The following NCAPG2 variants were observed in gnomAD, a reference collection of about 807,000 sequenced individuals.
NCAPG2 encodes condensin-2 complex subunit G2.
Under a neutral mutation model 141.1 loss-of-function variants are expected in NCAPG2, and 53 were observed. That is an observed-to-expected ratio of 0.38 (90% CI 0.30 to 0.47). The LOEUF (loss-of-function observed/expected upper bound fraction) is 0.47. Among genes scored for constraint, NCAPG2 ranks in the 20% least tolerant of loss-of-function variants. NCAPG2 has a pLI of 0.99. For missense variants in NCAPG2, 1,087 were observed against 1,389.0 expected (o/e 0.78, Z 3.46); for synonymous variants, 499 against 490.7 (o/e 1.02, Z -0.22).
chr7:158,645,375 T>G, intron 26 of NCAPG2, 144 bp downstream of exon 26: 4 of 667,118 alleles, frequency 6.0e-6, no homozygotes, highest in East Asian at 2.7e-5. Context: ...GTCCAGCACA[T>G]GAGAAGGCAG....
chr7:158,650,338 C>G (rs1563507492), intron 24 of NCAPG2, among the ~76,000 whole-genome samples: 1 of 152,184 alleles, frequency 6.6e-6, no homozygotes, highest in Non-Finnish European at 1.5e-5. Flanking sequence ...AGCCACTGCG[C>G]CCAGTCTAAA....
chr7:158,655,320 G>C lies in NCAPG2; in HGVS notation c.2505+19C>G. On this transcript the variant is annotated intron_variant, in intron 20 of 27. Coordinates refer to ENST00000356309, the MANE Select transcript of NCAPG2 (RefSeq NM_017760.7). ...GAGCACTGTGTATCATCCTAATAGA[G>C]GGCCAGGAGCAGGCACACCTTGTGC... The C allele has an allele frequency of 6.2e-7, 1 of 1,614,158 alleles. No individual in the cohort carries two copies. Among genetic ancestry groups the C allele is most frequent in the Non-Finnish European group, 8.5e-7 (1 of 1,180,022 alleles).
chr7:158,655,097 C>T (rs775628083), intron 21 of NCAPG2, 21 bp downstream of exon 21: 62 of 1,570,436 alleles, frequency 3.9e-5, no homozygotes, highest in Non-Finnish European at 5.2e-5. Context: ...AGAAAGTTTT[C>T]TGTGTCTTAA....
chr7:158,653,387 A>AAAAAAAAAAATAAAAAAAAAATAAT (rs1554553516), intron 22 of NCAPG2, among the ~76,000 whole-genome samples: 1 of 146,092 alleles, frequency 6.8e-6, no homozygotes. Context: ...ATAAAAAAAA[A>AAAAAAAAAAATAAAAAAAAAATAAT]AATAATAATA....
In NCAPG2 at chr7:158,680,704, C is replaced by G; in HGVS notation, c.1020+17G>C. 2.1e-6 allele frequency: 3 copies of G among 1,462,314 alleles called. No individual in the cohort carries two copies. The highest frequency in any genetic ancestry group is 2.8e-6 in the Non-Finnish European group (3 of 1,085,474). 90.6% of individuals were successfully genotyped at this position (1,462,314 alleles called of 1,614,324 possible). Reference sequence around the variant, plus strand: ...GTAGTACATTCCAAACACGGATAAACTATTTGAAATGTATACCTTTAATCC... The same window carrying G: ...GTAGTACATTCCAAACACGGATAAAGTATTTGAAATGTATACCTTTAATCC... On this transcript the variant is annotated intron_variant, in intron 10 of 27. Transcript: ENST00000356309.
Position 158,671,520 on chromosome 7 carries a change from A to G in NCAPG2, c.1473T>C (p.Ala491=). 3 of 1,614,206 alleles carry G rather than the reference A, an allele frequency of 1.9e-6. No individual in the cohort carries two copies. Among genetic ancestry groups the G allele is most frequent in the South Asian group, 2.2e-5 (2 of 91,086 alleles). The change falls in exon 13 of 28, where the codon GCT becomes GCC. Residue 491 remains alanine (A), a synonymous_variant. Coordinates refer to ENST00000356309, the MANE Select transcript of NCAPG2 (RefSeq NM_017760.7). ...DMLLKIKAVR[A]AKFWKICPME... ...AAAGCCCTATTCATCCTACCTTAGC[A>G]GCCCTCACAGCTTTGATCTTCAACA... is the stretch of plus-strand genomic sequence containing the variant.
chr7:158,664,366 A>T, intron 14 of NCAPG2, 70 bp from the exon 15 acceptor site: 1 of 1,528,204 alleles, frequency 6.5e-7, no homozygotes, highest in South Asian at 1.1e-5. Context: ...CTGATAGTGA[A>T]ATTATAATCC....
In NCAPG2 at chr7:158,697,871, T is replaced by C. The variant is rs182979852; in HGVS notation, c.78+3951A>G. On this transcript the variant is annotated intron_variant, in intron 2 of 27. Coordinates refer to ENST00000356309, the MANE Select transcript of NCAPG2 (RefSeq NM_017760.7). ...AAACCAAATACAGCATGTTCTCACT[T>C]ATAAGTAGGAGCTAAATTATGAGAA... is the stretch of plus-strand genomic sequence containing the variant. 4.6e-5 allele frequency among the ~76,000 whole-genome samples: 7 copies of C among 152,286 alleles called. No homozygotes were observed. The East Asian group carries it at 1.3e-3, about 29-fold the overall frequency.
At chr7:158,631,846 A>G in intron 27 of NCAPG2, 129 bp from the exon 28 acceptor site, 1 of 734,738 alleles carries the variant, frequency 1.4e-6, no homozygotes, top group Admixed American at 2.5e-5. Context: ...GAAATAATCT[A>G]TAGATGTTTC....
intron 17 of NCAPG2, 27 bp downstream of exon 17, chr7:158,658,311 T>C (rs773311465): frequency 3.8e-6 from 6 of 1,584,228 alleles, no homozygotes; most frequent in Non-Finnish European, 4.3e-6. Context: ...CCTACTTTTC[T>C]ACCGTACCAA....
chr7:158,687,804 G>A (rs1362145327), intron 6 of NCAPG2, among the ~76,000 whole-genome samples: 1 of 152,144 alleles, frequency 6.6e-6, no homozygotes, highest in Non-Finnish European at 1.5e-5. Flanking sequence ...ATCTAGCATA[G>A]GTGGGTGGGA....
At chr7:158,673,992 C>T (rs1004727656) in intron 12 of NCAPG2, among the ~76,000 whole-genome samples, 2 of 152,274 alleles carry the variant, frequency 1.3e-5, no homozygotes, top group Admixed American at 1.3e-4. Flanking sequence ...ACATAGAAGA[C>T]GCTTTATAGT....
chr7:158,651,954 G>A (rs553740283), intron 23 of NCAPG2, among the ~76,000 whole-genome samples: 1 of 152,354 alleles, frequency 6.6e-6, no homozygotes, highest in East Asian at 1.9e-4. Context: ...TCAGAACCCA[G>A]AGCAATCAGT....
chr7:158,690,464 G>C, intron 5 of NCAPG2, 104 bp downstream of exon 5: 1 of 1,144,966 alleles, frequency 8.7e-7, no homozygotes, highest in Non-Finnish European at 1.2e-6. Flanking sequence ...AGGATTGCTC[G>C]AGCCCAGGAG....
At chr7:158,662,436 A>C in intron 15 of NCAPG2, 69 bp from the exon 16 acceptor site, 42 of 1,379,218 alleles carry the variant, frequency 3.0e-5, no homozygotes, top group Non-Finnish European at 3.7e-5. Context: ...ACAGCATCTC[A>C]GAATTAGAGC....
At chr7:158,677,524 G>GAAAAAAAAAAAAAAA (rs1491491903) in intron 11 of NCAPG2, among the ~76,000 whole-genome samples, 3 of 5,076 alleles carry the variant, frequency 5.9e-4, no homozygotes, top group Non-Finnish European at 1.2e-3. Flanking sequence ...TAAAAATAAA[G>GAAAAAAAAAAAAAAA]CAAAAAAAAA....
intron 11 of NCAPG2, 21 bp downstream of exon 11, chr7:158,679,939 T>C (rs752109966): frequency 1.2e-6 from 2 of 1,612,386 alleles, no homozygotes; most frequent in East Asian, 2.2e-5. Context: ...TGTAAGAAGC[T>C]TGACCACCTG....
At chr7:158,661,874 G>A (rs1034790161) in intron 16 of NCAPG2, among the ~76,000 whole-genome samples, 13 of 152,092 alleles carry the variant, frequency 8.5e-5, no homozygotes, top group Non-Finnish European at 1.9e-4. Context: ...CCATGTTCAC[G>A]AAACTCTTTC....
rs894412225 is a variant in NCAPG2, at chr7:158,670,738, C to T, written c.1479+776G>A. ...TCTTAGAGGCCTTTCCAAGGAAGCCCGACAAAAAGTTCCTCCTTGTTCTTT... is the reference window on the plus strand; with the variant it reads ...TCTTAGAGGCCTTTCCAAGGAAGCCTGACAAAAAGTTCCTCCTTGTTCTTT... On this transcript the variant is annotated intron_variant, in intron 13 of 27. Transcript: ENST00000356309. 1.1e-4 allele frequency among the ~76,000 whole-genome samples: 16 copies of T among 152,234 alleles called. No individual in the cohort carries two copies. In the East Asian group the frequency reaches 1.4e-3, roughly 13 times the overall value.
Sources: allele counts gnomAD v4.1 joint callset (sites outside exome capture counted in the v4.1 genomes callset), GRCh38; gene constraint gnomAD v4.1.1; transcripts MANE v1.5; gene names NCBI Gene and HGNC (gene_info 2026-07-23, HGNC 2026-07-21).